Variants in PID1 observed in about 807,000 individuals in gnomAD.
PID1 encodes phosphotyrosine interaction domain containing 1.
Under a neutral mutation model 19.1 loss-of-function variants are expected in PID1, and 10 were observed. That is an observed-to-expected ratio of 0.52 (90% CI 0.32 to 0.89). The LOEUF is 0.89. Among genes scored for constraint, PID1 ranks in the 40% least tolerant of loss-of-function variants. PID1 has a pLI of 0.03. For synonymous variants in PID1, 130 were observed against 116.0 expected (o/e 1.12, Z -0.78); for missense variants, 248 against 285.3 (o/e 0.87, Z 0.94).
intron 1 of PID1, among the ~76,000 whole-genome samples, chr2:229,265,461 T>TAA (rs1328134611): frequency 6.6e-6 from 1 of 152,270 alleles, no homozygotes; most frequent in East Asian, 1.9e-4. Context: ...TGATGCTTTA[T>TAA]CACTGATTAG....
In PID1 at chr2:229,026,043, T is replaced by G; in HGVS notation, c.243A>C (p.Pro81=). Residue 81 remains proline (P), a synonymous_variant, in exon 3 of 3, where the codon CCA becomes CCC. Transcript: ENST00000392055. ...MQFLSGCTEK[P]VIELWKKHTL... ...TGTGCTTCTTCCAGAGCTCAATGAC[T>G]GGCTTTTCTGTGCAGCCTGACAAAA... The G allele has an allele frequency of 1.2e-6, 2 of 1,614,182 alleles. No homozygotes were observed. Among genetic ancestry groups the G allele is most frequent in the Non-Finnish European group, 1.7e-6 (2 of 1,180,016 alleles).
At chr2:229,254,938 T>G (rs1185420723) in intron 1 of PID1, among the ~76,000 whole-genome samples, 1 of 152,214 alleles carries the variant, frequency 6.6e-6, no homozygotes, top group Non-Finnish European at 1.5e-5. Flanking sequence ...CAGAAACTAT[T>G]TCAGATGAAT....
intron 1 of PID1, among the ~76,000 whole-genome samples, chr2:229,248,778 G>A (rs1256909330): frequency 6.6e-6 from 1 of 151,856 alleles, no homozygotes; most frequent in African/African-American, 2.4e-5. Context: ...TTTTTAAAGT[G>A]CTAAAATCCT....
intron 2 of PID1, among the ~76,000 whole-genome samples, chr2:229,119,288 C>A (rs964383804): frequency 6.6e-6 from 1 of 152,208 alleles, no homozygotes; most frequent in African/African-American, 2.4e-5. Context: ...CTAAATAAAT[C>A]AATTAATTTG....
At chr2:229,206,758 TTCATA>T (rs1691617510) in intron 1 of PID1, among the ~76,000 whole-genome samples, 1 of 152,212 alleles carries the variant, frequency 6.6e-6, no homozygotes, top group African/African-American at 2.4e-5. Flanking sequence ...CAACCAGCAC[TTCATA>T]TATTTGCATT....
intron 2 of PID1, among the ~76,000 whole-genome samples, chr2:229,119,845 G>A (rs1334232747): frequency 6.6e-6 from 1 of 152,262 alleles, no homozygotes; most frequent in Middle Eastern, 3.4e-3. Context: ...GTAATCTGTT[G>A]AGGGCCTAAA....
chr2:229,169,133 G>A (rs754313704), intron 1 of PID1, among the ~76,000 whole-genome samples: 39 of 152,090 alleles, frequency 2.6e-4, no homozygotes, highest in Non-Finnish European at 5.1e-4. Flanking sequence ...GCTCCCAGTG[G>A]TTCTACACTC....
At chr2:229,146,933 G>A (rs1178072240) in intron 2 of PID1, among the ~76,000 whole-genome samples, 4 of 152,164 alleles carry the variant, frequency 2.6e-5, no homozygotes, top group Non-Finnish European at 5.9e-5. Context: ...GCCTCCGGGA[G>A]CATGACCCTG....
intron 1 of PID1, among the ~76,000 whole-genome samples, chr2:229,187,524 G>A (rs1468143453): frequency 6.6e-6 from 1 of 152,092 alleles, no homozygotes; most frequent in African/African-American, 2.4e-5. Flanking sequence ...ATCAGATCAT[G>A]TGAGACTTAC....
At position 229,025,715 on chromosome 2, in the gene PID1, G is replaced by T; in HGVS notation, c.571C>A (p.His191Asn). ...AMMEAFRKTF[H>N]SMKSDGRIHS... ...ATCCGCCCGTCGCTCTTCATACTGT[G>T]GAAAGTCTTCCTGAAGGCCTCCATC... Residue 191 changes from histidine to asparagine, a missense_variant, in exon 3 of 3, where the codon CAC becomes AAC. By Grantham distance (68) the His-to-Asn change is moderately conservative. Coordinates refer to ENST00000392055, the MANE Select transcript of PID1 (RefSeq NM_001100818.2). The T allele has an allele frequency of 1.2e-6, 2 of 1,614,220 alleles. No individual in the cohort carries two copies. The highest frequency in any genetic ancestry group is 1.1e-5 in the South Asian group (1 of 91,088).
Position 229,067,654 on chromosome 2 carries a change from C to T in PID1, c.178-41546G>A, listed in dbSNP as rs187348001. Among the ~76,000 whole-genome samples the T allele has an allele frequency of 2.2e-4, 34 of 152,232 alleles. 1 individual carries two copies. In the East Asian group the frequency reaches 4.5e-3, roughly 20 times the overall value. ...GCCCATTACCAATCCTCCATGAAGTCGCCAGTGAGAGAGCTCTAACATGCC... is the reference window on the plus strand; with the variant it reads ...GCCCATTACCAATCCTCCATGAAGTTGCCAGTGAGAGAGCTCTAACATGCC... On this transcript the variant is annotated intron_variant, in intron 2 of 2. Transcript: ENST00000392055.
chr2:229,069,012 C>G (rs3890062), intron 2 of PID1, among the ~76,000 whole-genome samples: 5,047 of 152,238 alleles, frequency 0.033, 130 homozygotes, highest in South Asian at 0.096. Flanking sequence ...TCCTTTCTCT[C>G]TTTGAGGAAG....
intron 2 of PID1, among the ~76,000 whole-genome samples, chr2:229,026,706 C>T (rs1693432186): frequency 6.6e-6 from 1 of 152,108 alleles, no homozygotes; most frequent in Non-Finnish European, 1.5e-5. Flanking sequence ...ACAGCAGTGC[C>T]CAGTTCTTTT....
chr2:229,167,435 T>A (rs1477659501), intron 1 of PID1, among the ~76,000 whole-genome samples: 1 of 151,694 alleles, frequency 6.6e-6, no homozygotes. Context: ...ACTTCTGTAG[T>A]AGTCCTGCCA....
At chr2:229,041,126 G>A (rs181508602) in intron 2 of PID1, among the ~76,000 whole-genome samples, 179 of 152,254 alleles carry the variant, frequency 1.2e-3, no homozygotes, top group African/African-American at 4.0e-3. Flanking sequence ...CACTGTGAGC[G>A]TAACTAAAGC....
At chr2:229,241,654 G>C (rs1689873125) in intron 1 of PID1, among the ~76,000 whole-genome samples, 1 of 152,046 alleles carries the variant, frequency 6.6e-6, no homozygotes, top group Non-Finnish European at 1.5e-5. Flanking sequence ...CAAATTCTCA[G>C]CATTGTAAAT....
chr2:229,211,039 A>G (rs1283071508), intron 1 of PID1, among the ~76,000 whole-genome samples: 2 of 152,212 alleles, frequency 1.3e-5, no homozygotes, highest in East Asian at 1.9e-4. Context: ...GCTGCCTTAC[A>G]ACGAAGAAAT....
chr2:229,045,042 C>A (rs1227321529), intron 2 of PID1, among the ~76,000 whole-genome samples: 1 of 152,050 alleles, frequency 6.6e-6, no homozygotes, highest in Non-Finnish European at 1.5e-5. Flanking sequence ...CAACCTCTGC[C>A]TCCCAGATTC....
intron 2 of PID1, among the ~76,000 whole-genome samples, chr2:229,053,763 A>G (rs1021417972): frequency 3.9e-5 from 6 of 152,230 alleles, no homozygotes; most frequent in African/African-American, 1.4e-4. Context: ...GGGCTTAATG[A>G]TAAAATATCA....
Sources: gnomAD v4.1 joint callset for allele counts (sites outside exome capture counted in the v4.1 genomes callset) on GRCh38, gnomAD v4.1.1 for gene constraint, MANE v1.5 for transcripts, NCBI Gene and HGNC (gene_info 2026-07-23, HGNC 2026-07-21) for gene names.